The following CNTNAP4 variants were observed in gnomAD, a reference collection of about 807,000 sequenced individuals.
CNTNAP4 encodes contactin-associated protein-like 4.
In CNTNAP4, 98 loss-of-function variants were observed where a neutral mutation model predicts 148.4. That is an observed-to-expected ratio of 0.66 (90% CI 0.56 to 0.78). The LOEUF is 0.78. Among genes scored for constraint, CNTNAP4 ranks in the 30% least tolerant of loss-of-function variants. The pLI is 0.00. For missense variants in CNTNAP4, 1,935 were observed against 1,565.6 expected (o/e 1.24, Z -3.98); for synonymous variants, 730 against 565.1 (o/e 1.29, Z -4.14).
intron 4 of CNTNAP4, among the ~76,000 whole-genome samples, chr16:76,440,960 A>G (rs1240923069): frequency 1.3e-5 from 2 of 152,132 alleles, no homozygotes; most frequent in East Asian, 1.9e-4. Flanking sequence ...ACTGGAATAT[A>G]TTGCCATGAG....
chr16:76,539,127 C>G (rs1472305132), intron 19 of CNTNAP4, among the ~76,000 whole-genome samples: 2 of 151,938 alleles, frequency 1.3e-5, no homozygotes, highest in Non-Finnish European at 2.9e-5. Flanking sequence ...TTTTCTTTGT[C>G]AAATTGAAAG....
chr16:76,473,799 C>T (rs939773633), intron 10 of CNTNAP4, among the ~76,000 whole-genome samples: 2 of 151,786 alleles, frequency 1.3e-5, no homozygotes, highest in African/African-American at 4.8e-5. Flanking sequence ...AAGGAGATTG[C>T]GGAAACCCTA....
chr16:76,487,804 C>G (rs539688360), intron 12 of CNTNAP4, among the ~76,000 whole-genome samples: 12 of 152,296 alleles, frequency 7.9e-5, no homozygotes, highest in African/African-American at 2.6e-4. Flanking sequence ...TTGTTATGAG[C>G]TACTCTTTAA....
chr16:76,467,633 C>A (rs962762026), intron 10 of CNTNAP4, 110 bp downstream of exon 10: 6 of 890,510 alleles, frequency 6.7e-6, no homozygotes, highest in East Asian at 5.5e-5. Flanking sequence ...CTTATCTGTT[C>A]CACAGGAAAT....
At chr16:76,472,172 A>T (rs960947459) in intron 10 of CNTNAP4, among the ~76,000 whole-genome samples, 1 of 151,980 alleles carries the variant, frequency 6.6e-6, no homozygotes, top group Non-Finnish European at 1.5e-5. Flanking sequence ...GTGAGTAGGG[A>T]GGAGAAAAGT....
At chr16:76,529,030 G>T (rs1310435588) in intron 17 of CNTNAP4, among the ~76,000 whole-genome samples, 1 of 152,170 alleles carries the variant, frequency 6.6e-6, no homozygotes, top group Admixed American at 6.5e-5. Flanking sequence ...TAAGTGATAA[G>T]AATTAACATC....
At chr16:76,321,771 G>C (rs1962439142) in intron 2 of CNTNAP4, among the ~76,000 whole-genome samples, 1 of 128,990 alleles carries the variant, frequency 7.8e-6, no homozygotes, top group African/African-American at 3.0e-5. Context: ...CCTGGTGACA[G>C]AGCGTGACTC....
chr16:76,292,294 T>G (rs773880384), intron 1 of CNTNAP4, among the ~76,000 whole-genome samples: 20 of 152,316 alleles, frequency 1.3e-4, no homozygotes, highest in Non-Finnish European at 2.8e-4. Context: ...TTATGGCACT[T>G]AAAGATAATT....
chr16:76,354,873 T>A (rs752419844), intron 2 of CNTNAP4, among the ~76,000 whole-genome samples: 5 of 152,188 alleles, frequency 3.3e-5, no homozygotes, highest in Admixed American at 6.5e-5. Flanking sequence ...CTTCTCTAAG[T>A]CTAAACATGA....
intron 2 of CNTNAP4, among the ~76,000 whole-genome samples, chr16:76,333,390 A>G (rs1199285165): frequency 2.2e-4 from 34 of 152,180 alleles, no homozygotes; most frequent in Non-Finnish European, 2.9e-5. Flanking sequence ...TAGTGAATTC[A>G]TTTCAGTTGT....
intron 3 of CNTNAP4, among the ~76,000 whole-genome samples, chr16:76,402,229 G>C (rs1300507782): frequency 6.6e-6 from 1 of 152,082 alleles, no homozygotes; most frequent in African/African-American, 2.4e-5. Flanking sequence ...TTATTGGTCT[G>C]TTCAGGGAAT....
chr16:76,435,799 G>C (rs146323597), intron 4 of CNTNAP4, among the ~76,000 whole-genome samples: 1 of 152,044 alleles, frequency 6.6e-6, no homozygotes, highest in Middle Eastern at 3.2e-3. Context: ...CAAATAAGCT[G>C]TTAGAACCTT....
intron 11 of CNTNAP4, among the ~76,000 whole-genome samples, chr16:76,478,283 A>G (rs1006990916): frequency 6.6e-5 from 10 of 152,216 alleles, no homozygotes; most frequent in African/African-American, 2.2e-4. Flanking sequence ...GAACATATGC[A>G]TATGTACATA....
At chr16:76,290,276 C>G (rs1006781837) in intron 1 of CNTNAP4, among the ~76,000 whole-genome samples, 1 of 152,110 alleles carries the variant, frequency 6.6e-6, no homozygotes, top group African/African-American at 2.4e-5. Flanking sequence ...TGGAAAGTGC[C>G]CATCTTCTCC....
intron 3 of CNTNAP4, among the ~76,000 whole-genome samples, chr16:76,388,710 C>T (rs886625991): frequency 6.6e-6 from 1 of 152,112 alleles, no homozygotes; most frequent in African/African-American, 2.4e-5. Context: ...ATGTTCTAGA[C>T]ATTTTAGATG....
chr16:76,510,847 G>C (rs1015061861), intron 15 of CNTNAP4, among the ~76,000 whole-genome samples: 1 of 152,010 alleles, frequency 6.6e-6, no homozygotes, highest in Non-Finnish European at 1.5e-5. Flanking sequence ...AGGAATCTAT[G>C]GACAGATTTC....
Position 76,535,800 on chromosome 16 carries a change from A to G in CNTNAP4, c.2995+16A>G. 1 of 1,602,702 alleles carries G rather than the reference A, an allele frequency of 6.2e-7. No individual in the cohort carries two copies. Among genetic ancestry groups the G allele is most frequent in the Non-Finnish European group, 8.5e-7 (1 of 1,171,962 alleles). On this transcript the variant is annotated intron_variant, in intron 18 of 23. Coordinates refer to ENST00000611870, the MANE Select transcript of CNTNAP4 (RefSeq NM_033401.5). ...TGCTCAAATGGTAAGTGTGGCATGG[A>G]AGACTGTAAGAGGAAAATTTATTCA...
At chr16:76,503,675 C>T (rs1370755432) in intron 15 of CNTNAP4, among the ~76,000 whole-genome samples, 1 of 151,888 alleles carries the variant, frequency 6.6e-6, no homozygotes, top group Non-Finnish European at 1.5e-5. Flanking sequence ...CTATCCCTCC[C>T]CCTTCCCCCC....
chr16:76,414,387 TTTA>T (rs1474176883), intron 3 of CNTNAP4, among the ~76,000 whole-genome samples: 1 of 151,436 alleles, frequency 6.6e-6, no homozygotes, highest in Non-Finnish European at 1.5e-5. Flanking sequence ...TGAGATATGA[TTTA>T]TTATTTTTTC....
Sources: allele counts gnomAD v4.1 joint callset (sites outside exome capture counted in the v4.1 genomes callset), GRCh38; gene constraint gnomAD v4.1.1; transcripts MANE v1.5; gene names NCBI Gene and HGNC (gene_info 2026-07-23, HGNC 2026-07-21).